NPAT: variants seen among roughly 807,000 people sequenced by gnomAD.
The protein encoded by NPAT is protein NPAT.
A neutral mutation model predicts 130.7 loss-of-function variants in NPAT; 52 were observed. The observed-to-expected ratio is 0.40, with a 90% CI of 0.32 to 0.50. The LOEUF (loss-of-function observed/expected upper bound fraction) is 0.50. Ranked by LOEUF, NPAT falls within the 20% of genes least tolerant of loss-of-function variation. The pLI is 0.68. For missense variants in NPAT, 1,687 were observed against 1,662.6 expected, an observed-to-expected ratio of 1.01 and a Z score of -0.26; for synonymous variants, 580 against 584.8, an observed-to-expected ratio of 0.99 and a Z score of 0.12.
At chr11:108,164,140 GA>G (rs1212953470) in intron 15 of NPAT, among the ~76,000 whole-genome samples, 1 of 152,214 alleles carries the variant, frequency 6.6e-6, no homozygotes. Flanking sequence ...TGGTAAGATG[GA>G]AAATAAAACC....
At chr11:108,188,201 C>T (rs375359884) in intron 6 of NPAT, 22 bp from the exon 7 acceptor site, 11 of 1,574,678 alleles carry the variant, frequency 7.0e-6, no homozygotes, top group Non-Finnish European at 9.6e-6. Context: ...GAAAACATAA[C>T]AGTAAGCCAA....
chr11:108,177,198 T>C lies in NPAT; in HGVS notation c.907-108A>G, dbSNP rs2078016695. On this transcript the variant is annotated intron_variant, in intron 10 of 17. Transcript: ENST00000278612. ...TCACTCTTTTGCTCAGGCTGGAGTG[T>C]AGTGGTACAGTGGTAGAGTCACTGT... is the stretch of plus-strand genomic sequence containing the variant. 9.9e-6 allele frequency: 5 copies of C among 503,572 alleles called. No individual in the cohort carries two copies. In the South Asian group the frequency reaches 1.4e-4, roughly 14 times the overall value. The allele number at this position is 503,572 out of a possible 1,614,324, so 31.2% of individuals were successfully genotyped here. A position where few individuals can be genotyped will look rare whatever the true frequency, so the allele number is the denominator to read the frequency against.
At position 108,173,313 on chromosome 11, in the gene NPAT, T is replaced by C. The variant is rs1341401567; in HGVS notation, c.1671A>G (p.Thr557=). 1.9e-6 allele frequency: 3 copies of C among 1,612,048 alleles called. No individual in the cohort carries two copies. The highest frequency in any genetic ancestry group is 2.2e-5 in the East Asian group (1 of 44,846). ...KSQFCENSND[T]VKLKINFHGS... Reference sequence around the variant, plus strand: ...CATGAAAATTAATTTTAAGTTTTACTGTATCATTAGAATTTTCACAAAATT... The same window carrying C: ...CATGAAAATTAATTTTAAGTTTTACCGTATCATTAGAATTTTCACAAAATT... Residue 557 remains threonine, a synonymous_variant, in exon 13 of 18, where the codon ACA becomes ACG. Coordinates refer to ENST00000278612, the MANE Select transcript of NPAT (RefSeq NM_002519.3).
Position 108,185,556 on chromosome 11 carries a change from A to G in NPAT, c.727-62T>C, listed in dbSNP as rs985382309. 5 of 1,118,798 alleles carry G rather than the reference A, an allele frequency of 4.5e-6. No individual in the cohort carries two copies. The South Asian group carries it at 5.2e-5, about 12-fold the overall frequency. The allele number at this position is 1,118,798 out of a possible 1,614,324, so 69.3% of individuals were successfully genotyped here. ...AAGAGTATTCTGCTATTTAATATTT[A>G]TAAGAAAAGAACAAACCGATAAGAG... On this transcript the variant is annotated intron_variant, in intron 8 of 17. Transcript: ENST00000278612.
intron 1 of NPAT, among the ~76,000 whole-genome samples, chr11:108,204,687 G>T (rs924891441): frequency 6.6e-6 from 1 of 152,250 alleles, no homozygotes; most frequent in East Asian, 1.9e-4. Context: ...CCCAGGAGCC[G>T]CAAGCCAGAG....
chr11:108,189,572 T>C (rs2078143239), intron 5 of NPAT, among the ~76,000 whole-genome samples: 3 of 152,198 alleles, frequency 2.0e-5, no homozygotes, highest in South Asian at 4.1e-4. Flanking sequence ...ACACCATGAA[T>C]TAAGAAACCT....
chr11:108,191,014 G>T (rs1485909024), intron 4 of NPAT, among the ~76,000 whole-genome samples: 1 of 152,176 alleles, frequency 6.6e-6, no homozygotes, highest in East Asian at 1.9e-4. Flanking sequence ...GGCTACAAGA[G>T]CTATGATCAC....
chr11:108,221,050 TACTC>T (rs993849749), intron 1 of NPAT, among the ~76,000 whole-genome samples: 113 of 152,324 alleles, frequency 7.4e-4, no homozygotes, highest in African/African-American at 2.6e-3. Context: ...GGAGAAAGAA[TACTC>T]ACACATCGAT....
Position 108,161,526 on chromosome 11 carries a change from G to C in NPAT, c.3560C>G (p.Ser1187Cys), listed in dbSNP as rs2077849305. Reference protein sequence around the residue: ...RQKNPENSKLSIGQQNGGLRS... With the variant: ...RQKNPENSKLCIGQQNGGLRS... ...CAAACCCCCATTTTGCTGCCCAATA[G>C]ATAGTTTTGAATTTTCTGGATTTTT... is the stretch of plus-strand genomic sequence containing the variant. The change falls in exon 17 of 18, where the codon TCT becomes TGT. Residue 1187 changes from serine (S) to cysteine (C), a missense_variant. This residue lies in a region of NPAT where 1,379 missense variants were observed against 1,346.6 expected (regional missense o/e 1.02). Coordinates refer to ENST00000278612, the MANE Select transcript of NPAT (RefSeq NM_002519.3). 4.3e-6 allele frequency: 7 copies of C among 1,614,202 alleles called. No individual in the cohort carries two copies. The highest frequency in any genetic ancestry group is 5.1e-6 in the Non-Finnish European group (6 of 1,180,032).
At chr11:108,177,146 C>T in intron 10 of NPAT, 56 bp from the exon 11 acceptor site, 2 of 796,764 alleles carry the variant, frequency 2.5e-6, no homozygotes, top group South Asian at 3.3e-5. Flanking sequence ...TATATATTTA[C>T]ATATTATATA....
intron 1 of NPAT, among the ~76,000 whole-genome samples, chr11:108,219,839 A>G (rs1453156556): frequency 2.0e-5 from 3 of 152,258 alleles, no homozygotes; most frequent in Non-Finnish European, 4.4e-5. Flanking sequence ...AAAAAAAGTA[A>G]ACACACATCT....
At chr11:108,186,989 C>G (rs987079602) in intron 7 of NPAT, among the ~76,000 whole-genome samples, 1 of 152,184 alleles carries the variant, frequency 6.6e-6, no homozygotes, top group Non-Finnish European at 1.5e-5. Flanking sequence ...TGAAGTCTAG[C>G]TTTACCACTT....
chr11:108,169,031 C>T (rs1193058413), intron 15 of NPAT, among the ~76,000 whole-genome samples: 3 of 152,106 alleles, frequency 2.0e-5, no homozygotes, highest in Non-Finnish European at 4.4e-5. Flanking sequence ...AAAAAAGTCA[C>T]TCAGCCAGCA....
chr11:108,187,322 T>C (rs2078116969), intron 7 of NPAT, among the ~76,000 whole-genome samples: 1 of 152,132 alleles, frequency 6.6e-6, no homozygotes, highest in Non-Finnish European at 1.5e-5. Context: ...TGTGGCGGCA[T>C]GTGCCTGTGC....
At chr11:108,192,065 C>T (rs2078175289) in intron 4 of NPAT, 53 bp downstream of exon 4, 2 of 1,212,826 alleles carry the variant, frequency 1.6e-6, no homozygotes, top group Non-Finnish European at 2.5e-6. Context: ...AGATTTAAAC[C>T]CAAAGTGTAT....
Position 108,185,462 on chromosome 11 carries a change from T to C in NPAT, c.759A>G (p.Ile253Met), listed in dbSNP as rs769791218. The C allele has an allele frequency of 3.7e-6, 6 of 1,612,062 alleles. No individual in the cohort carries two copies. The highest frequency in any genetic ancestry group is 1.1e-5 in the South Asian group (1 of 90,980). ...QMVIENAREK[I>M]LSNKSLQEKL... The stretch of plus-strand genomic sequence containing the variant: ...TTTCTTGAAGAGATTTGTTGCTTAG[T>C]ATTTTTTCTCGTGCATTTTCAATAA... The change falls in exon 9 of 18, where the codon ATA becomes ATG. Residue 253 changes from isoleucine (I) to methionine (M), a missense_variant. By Grantham distance (10) the Ile-to-Met change is conservative. Coordinates refer to ENST00000278612, the MANE Select transcript of NPAT (RefSeq NM_002519.3).
intron 10 of NPAT, 77 bp downstream of exon 10, chr11:108,185,155 G>C (rs966496839): frequency 2.0e-6 from 2 of 982,276 alleles, no homozygotes; most frequent in African/African-American, 3.2e-5. Context: ...CAATGGTTTT[G>C]AAATGAAACC....
intron 17 of NPAT, among the ~76,000 whole-genome samples, chr11:108,159,467 G>A (rs1298459810): frequency 3.9e-5 from 6 of 152,144 alleles, no homozygotes; most frequent in Admixed American, 3.3e-4. Context: ...TGATGAGGCT[G>A]AGACTCAGAA....
intron 1 of NPAT, among the ~76,000 whole-genome samples, chr11:108,198,340 G>A (rs1389259498): frequency 6.6e-6 from 1 of 152,162 alleles, no homozygotes; most frequent in Non-Finnish European, 1.5e-5. Flanking sequence ...CCAAAAATCT[G>A]CCTAGGGAAA....
Sources: gnomAD v4.1 joint callset for allele counts (sites outside exome capture counted in the v4.1 genomes callset) on GRCh38, gnomAD v4.1.1 for gene constraint, gnomAD v4.1.1 regional missense constraint, MANE v1.5 for transcripts, NCBI Gene and HGNC (gene_info 2026-07-23, HGNC 2026-07-21) for gene names.